PGM1: variants seen among roughly 807,000 people sequenced by gnomAD.
PGM1 encodes the protein phosphoglucomutase-1.
PGM1 carries 52 observed loss-of-function variants against 55.6 expected under a neutral mutation model. The ratio of observed to expected loss-of-function variants is 0.94; its 90% CI spans 0.75 to 1.18. The LOEUF is 1.18. Among genes scored for constraint, PGM1 ranks in the 50% most tolerant of loss-of-function variants. The pLI, the probability that PGM1 is intolerant of heterozygous loss-of-function variation, is 0.00. For synonymous variants in PGM1, 287 were observed against 271.7 expected (o/e 1.06, Z -0.55); for missense variants, 724 against 729.3 (o/e 0.99, Z 0.08).
chr1:63,611,903 A>G (rs1327153084), intron 1 of PGM1, among the ~76,000 whole-genome samples: 1 of 151,764 alleles, frequency 6.6e-6, no homozygotes, highest in East Asian at 2.0e-4. Context: ...ACTCCTTCTC[A>G]GAAAATGCTA....
At chr1:63,599,279 C>T (rs2100954571) in intron 1 of PGM1, among the ~76,000 whole-genome samples, 1 of 152,202 alleles carries the variant, frequency 6.6e-6, no homozygotes, top group South Asian at 2.1e-4. Flanking sequence ...GATTCTTCTG[C>T]CTCAGCCTCC....
Position 63,626,176 on chromosome 1 carries a change from G to A in PGM1, c.247-3249G>A, listed in dbSNP as rs573446820. Among the ~76,000 whole-genome samples, 4 of 152,202 alleles carry A rather than the reference G, an allele frequency of 2.6e-5. No homozygotes were observed. In the South Asian group the frequency reaches 8.3e-4, roughly 32 times the overall value. On this transcript the variant is annotated intron_variant, in intron 1 of 10. Coordinates refer to ENST00000371084, the MANE Select transcript of PGM1 (RefSeq NM_002633.3). ...GGACTCTTAGTGCCTGGCTGAGGGG[G>A]TTATCTCTAACTTGGGAGCCAGGAA...
Position 63,654,470 on chromosome 1 carries a change from A to G in PGM1, c.1599+4A>G. 2 of 1,613,940 alleles carry G rather than the reference A, an allele frequency of 1.2e-6. No homozygotes were observed. Among genetic ancestry groups the G allele is most frequent in the Non-Finnish European group, 1.7e-6 (2 of 1,179,858 alleles). On this transcript the variant is annotated splice_donor_region_variant and intron_variant, in intron 10 of 10. Coordinates refer to ENST00000371084, the MANE Select transcript of PGM1 (RefSeq NM_002633.3). ...CAAGATTAACCAGGACCCCCAGGTA[A>G]CGCCCAGCCCTGTGCCCTGGTTAGT...
chr1:63,615,496 A>C (rs1017495885), intron 1 of PGM1, among the ~76,000 whole-genome samples: 2 of 150,322 alleles, frequency 1.3e-5, no homozygotes, highest in African/African-American at 4.9e-5. Context: ...AAATGATCTT[A>C]ATAATGAGAC....
At chr1:63,598,211 C>T (rs891816597) in intron 1 of PGM1, among the ~76,000 whole-genome samples, 3 of 152,122 alleles carry the variant, frequency 2.0e-5, no homozygotes, top group Non-Finnish European at 4.4e-5. Flanking sequence ...TGGGCTCAAG[C>T]GATCTGCCTG....
intron 3 of PGM1, 58 bp from the exon 4 acceptor site, chr1:63,631,599 T>G: frequency 6.5e-7 from 1 of 1,537,688 alleles, no homozygotes; most frequent in Admixed American, 1.7e-5. Flanking sequence ...CACATCAGAA[T>G]ATAATATTTC....
intron 4 of PGM1, among the ~76,000 whole-genome samples, chr1:63,633,914 GTGTGTATATATATA>G (rs1445250916): frequency 1.7e-4 from 6 of 34,360 alleles, no homozygotes; most frequent in African/African-American, 1.5e-3. Flanking sequence ...GTGTGTGTGT[GTGTGTATATATATA>G]TATATTTTTT....
At chr1:63,614,394 T>C (rs1033197341) in intron 1 of PGM1, among the ~76,000 whole-genome samples, 1 of 152,170 alleles carries the variant, frequency 6.6e-6, no homozygotes. Context: ...AAAGCCTTGC[T>C]CTCACTGAAG....
intron 7 of PGM1, among the ~76,000 whole-genome samples, chr1:63,647,741 T>A (rs855329): frequency 0.61 from 92,369 of 151,974 alleles, 29,398 homozygotes; most frequent in African/African-American, 0.8. Flanking sequence ...CTCAAGCCTC[T>A]TGTGTGCTTG....
In PGM1 at chr1:63,633,910, GTGTGTGTGTATATA is replaced by G. The variant is rs1389919106; in HGVS notation, c.683-917_683-904del. Reference sequence around the variant, plus strand: ...TGTGTGTGTGTGTGTGTGTGTGTGTGTGTGTGTGTATATATATATATATTTTTTTTTTTTTTTTT... The same window carrying G: ...TGTGTGTGTGTGTGTGTGTGTGTGTGTATATATATTTTTTTTTTTTTTTTT... On this transcript the variant is annotated intron_variant, in intron 4 of 10. Coordinates refer to ENST00000371084, the MANE Select transcript of PGM1 (RefSeq NM_002633.3). Among the ~76,000 whole-genome samples, 67 of 33,878 alleles carry G rather than the reference GTGTGTGTGTATATA, an allele frequency of 2.0e-3. 4 individuals carry two copies. The highest frequency in any genetic ancestry group is 0.012 in the African/African-American group (50 of 4,242). 22.2% of individuals were successfully genotyped at this position (33,878 alleles called of 152,430 possible).
At chr1:63,627,534 A>T (rs1305715146) in intron 1 of PGM1, among the ~76,000 whole-genome samples, 1 of 152,122 alleles carries the variant, frequency 6.6e-6, no homozygotes, top group African/African-American at 2.4e-5. Flanking sequence ...CTGATCTGGA[A>T]GGGGAGTTCT....
At chr1:63,610,417 A>C (rs1648534234) in intron 1 of PGM1, among the ~76,000 whole-genome samples, 1 of 152,226 alleles carries the variant, frequency 6.6e-6, no homozygotes, top group African/African-American at 2.4e-5. Flanking sequence ...TGAGAATCTT[A>C]GTGGAATATC....
At position 63,654,093 on chromosome 1, in the gene PGM1, G is replaced by A. The variant is rs567629610; in HGVS notation, c.1465-239G>A. 2.6e-3 allele frequency among the ~76,000 whole-genome samples: 396 copies of A among 152,260 alleles called. 2 individuals are homozygous for A. Among genetic ancestry groups the A allele is most frequent in the Non-Finnish European group, 4.8e-3 (325 of 68,018 alleles). On this transcript the variant is annotated intron_variant, in intron 9 of 10. Transcript: ENST00000371084. The stretch of plus-strand genomic sequence containing the variant: ...CCTCACATCACCCAGCATCACTGAG[G>A]TCAGGTCTCCCCTGACCCTGGAAAT...
chr1:63,602,348 C>T (rs918636172), intron 1 of PGM1, among the ~76,000 whole-genome samples: 3 of 152,188 alleles, frequency 2.0e-5, no homozygotes, highest in African/African-American at 4.8e-5. Context: ...CAAGAATCTT[C>T]TCAGATTTAA....
rs79236527 is a variant in PGM1, at chr1:63,633,409, A to G, written c.683-1420A>G. Among the ~76,000 whole-genome samples the G allele has an allele frequency of 0.013, 1,965 of 152,240 alleles. 87 individuals carry two copies. In the East Asian group the frequency reaches 0.17, roughly 13 times the overall value. Reference sequence around the variant, plus strand: ...CTGTTCCTCTAATGCTTTCGTTTCTATATCCCTCACAGCCCTGGCTGCCTT... The same window carrying G: ...CTGTTCCTCTAATGCTTTCGTTTCTGTATCCCTCACAGCCCTGGCTGCCTT... On this transcript the variant is annotated intron_variant, in intron 4 of 10. Transcript: ENST00000371084.
intron 1 of PGM1, 127 bp from the exon 2 acceptor site, chr1:63,629,298 C>T: frequency 2.4e-6 from 2 of 824,280 alleles, no homozygotes; most frequent in Non-Finnish European, 4.2e-6. Context: ...TAAATAAAAT[C>T]TTTTCTTGTC....
chr1:63,614,352 T>G (rs1333595382), intron 1 of PGM1, among the ~76,000 whole-genome samples: 1 of 152,204 alleles, frequency 6.6e-6, no homozygotes, highest in East Asian at 1.9e-4. Flanking sequence ...GTTCCTAAAC[T>G]TTTTAAGGAA....
chr1:63,637,040 CA>C (rs1172370998), intron 6 of PGM1, among the ~76,000 whole-genome samples: 1 of 152,062 alleles, frequency 6.6e-6, no homozygotes, highest in Admixed American at 6.5e-5. Context: ...AGATGAGGAC[CA>C]GGGAAAACAT....
chr1:63,630,012 C>T lies in PGM1; in HGVS notation c.480C>T (p.Cys160=). The change falls in exon 3 of 11, where the codon TGC becomes TGT. Residue 160 remains cysteine, a synonymous_variant. Coordinates refer to ENST00000371084, the MANE Select transcript of PGM1 (RefSeq NM_002633.3). ...AGACAATTGAAGAATATGCAGTTTG[C>T]CCTGACCTGAAAGTAGACCTTGGTG... ...ISKTIEEYAV[C]PDLKVDLGVL... 1 of 1,613,820 alleles carries T rather than the reference C, an allele frequency of 6.2e-7. No individual in the cohort carries two copies. Among genetic ancestry groups the T allele is most frequent in the South Asian group, 1.1e-5 (1 of 91,076 alleles).
Sources: gnomAD v4.1 joint callset for allele counts (sites outside exome capture counted in the v4.1 genomes callset) on GRCh38, gnomAD v4.1.1 for gene constraint, MANE v1.5 for transcripts, NCBI Gene and HGNC (gene_info 2026-07-23, HGNC 2026-07-21) for gene names.